NT5DC1: variants seen among roughly 807,000 people sequenced by gnomAD.
NT5DC1 encodes the protein 5'-nucleotidase domain-containing protein 1.
A neutral mutation model predicts 59.4 loss-of-function variants in NT5DC1; 42 were observed. The observed-to-expected ratio is 0.71, with a 90% CI of 0.55 to 0.92. NT5DC1 has a LOEUF of 0.92. NT5DC1 is among the 40% of genes least tolerant of loss of function. The pLI, the probability that NT5DC1 is intolerant of heterozygous loss-of-function variation, is 0.00. For missense variants in NT5DC1, 501 were observed against 537.1 expected (o/e 0.93, Z 0.66); for synonymous variants, 172 against 188.1 (o/e 0.91, Z 0.70).
intron 11 of NT5DC1, among the ~76,000 whole-genome samples, chr6:116,241,141 CAA>C (rs532456933): frequency 1.3e-3 from 84 of 64,302 alleles, no homozygotes; most frequent in African/African-American, 3.5e-3. Flanking sequence ...AAGACTGTCT[CAA>C]AAAAAAAAAA....
rs73774205 is a variant in NT5DC1 at position 116,166,419 on chromosome 6, A to G, written c.529+48474A>G. Among the ~76,000 whole-genome samples the G allele has an allele frequency of 5.7e-3, 868 of 152,328 alleles. 17 individuals are homozygous for G. Among genetic ancestry groups the G allele is most frequent in the South Asian group, 0.047 (225 of 4,828 alleles). On this transcript the variant is annotated intron_variant, in intron 6 of 11. Coordinates refer to ENST00000319550, the MANE Select transcript of NT5DC1 (RefSeq NM_152729.3). Reference sequence around the variant, plus strand: ...AAAAACATAAAGGAATGGATCAACCAATCTTCAACAAAGGTGCTAAGAAAT... The same window carrying G: ...AAAAACATAAAGGAATGGATCAACCGATCTTCAACAAAGGTGCTAAGAAAT...
chr6:116,110,933 A>G lies in NT5DC1; in HGVS notation c.341A>G (p.Asp114Gly). The change falls in exon 4 of 12, where the codon GAC (aspartate) becomes GGC (glycine). Residue 114 changes from aspartate (D) to glycine (G), a missense_variant. Physicochemically the swap from Asp to Gly is moderately conservative, Grantham distance 94. Coordinates refer to ENST00000319550, the MANE Select transcript of NT5DC1 (RefSeq NM_152729.3). ...GKKEWKHFLS[D>G]TGMACRSGKY... ...AAAGAGTGGAAGCACTTCTTGTCGG[A>G]CACTGGAATGGCTTGCCGCTCAGGT... The G allele has an allele frequency of 6.2e-7, 1 of 1,613,112 alleles. No individual in the cohort carries two copies. Among genetic ancestry groups the G allele is most frequent in the Non-Finnish European group, 8.5e-7 (1 of 1,179,076 alleles).
chr6:116,120,119 T>C lies in NT5DC1; in HGVS notation c.529+2174T>C, dbSNP rs1779064252. 1.2e-6 allele frequency: 2 copies of C among 1,614,130 alleles called. No individual in the cohort carries two copies. Among genetic ancestry groups the C allele is most frequent in the Admixed American group, 3.3e-5 (2 of 60,018 alleles). ...TCCTGAGAAAGAGGAGTGGACATAC[T>C]CAGAGGAGTATAGGCCATTTGACTC... is the stretch of plus-strand genomic sequence containing the variant. On this transcript the variant is annotated intron_variant, in intron 6 of 11. Coordinates refer to ENST00000319550, the MANE Select transcript of NT5DC1 (RefSeq NM_152729.3).
intron 6 of NT5DC1, among the ~76,000 whole-genome samples, chr6:116,135,863 A>ATGTATGTATATATATATATATATG (rs1562132679): frequency 8.0e-6 from 1 of 124,916 alleles, no homozygotes; most frequent in African/African-American, 3.2e-5. Flanking sequence ...ATATATATAT[A>ATGTATGTATATATATATATATATG]TATATATATA....
chr6:116,219,193 A>G (rs1781744852), intron 6 of NT5DC1, among the ~76,000 whole-genome samples: 1 of 152,180 alleles, frequency 6.6e-6, no homozygotes, highest in African/African-American at 2.4e-5. Context: ...CAGTGATGTC[A>G]TCAGGGACCC....
Position 116,125,333 on chromosome 6 carries a change from A to G in NT5DC1, c.529+7388A>G, listed in dbSNP as rs191911355. 454 of 1,613,184 alleles carry G rather than the reference A, an allele frequency of 2.8e-4. No individual in the cohort carries two copies. The highest frequency in any genetic ancestry group is 1.4e-4 in the Non-Finnish European group (169 of 1,179,468). On this transcript the variant is annotated intron_variant, in intron 6 of 11. Transcript: ENST00000319550. ...TTAATAGAACAAAATATACAATTCA[A>G]TTTACCTTTACTCTTTATGGTGTAG...
chr6:116,164,656 T>G (rs1780421614), intron 6 of NT5DC1, among the ~76,000 whole-genome samples: 1 of 152,222 alleles, frequency 6.6e-6, no homozygotes, highest in Admixed American at 6.5e-5. Context: ...ATGTAATTAT[T>G]TTATAGGATG....
chr6:116,234,246 C>T (rs879713877), intron 8 of NT5DC1, among the ~76,000 whole-genome samples: 3 of 151,880 alleles, frequency 2.0e-5, no homozygotes, highest in African/African-American at 2.4e-5. Context: ...AGGTGTGAGC[C>T]ACCATGCCTG....
chr6:116,178,300 T>C (rs1780798439), intron 6 of NT5DC1, among the ~76,000 whole-genome samples: 1 of 152,082 alleles, frequency 6.6e-6, no homozygotes, highest in Non-Finnish European at 1.5e-5. Context: ...TGAGATCAGG[T>C]GACATTGGGC....
chr6:116,122,109 TTA>T (rs1779149870), intron 6 of NT5DC1: 9 of 808,256 alleles, frequency 1.1e-5, no homozygotes, highest in Middle Eastern at 3.4e-4. Flanking sequence ...TGGTTTTAGA[TTA>T]TATGTTTTAT....
At position 116,120,264 on chromosome 6, in the gene NT5DC1, C is replaced by T. The variant is rs773944965; in HGVS notation, c.529+2319C>T. 1.9e-6 allele frequency: 3 copies of T among 1,614,140 alleles called. No homozygotes were observed. In the East Asian group the frequency reaches 6.7e-5, roughly 36 times the overall value. On this transcript the variant is annotated intron_variant, in intron 6 of 11. Transcript: ENST00000319550. ...TCATAGGTGTACATTACAGGGGTGCCATTCTTATACAGGCCTACCCAAACA... is the reference window on the plus strand; with the variant it reads ...TCATAGGTGTACATTACAGGGGTGCTATTCTTATACAGGCCTACCCAAACA...
chr6:116,156,741 A>G (rs555691157), intron 6 of NT5DC1, among the ~76,000 whole-genome samples: 4 of 152,346 alleles, frequency 2.6e-5, no homozygotes, highest in Non-Finnish European at 5.9e-5. Flanking sequence ...CATATCTTGA[A>G]TAAGAAGTAC....
At chr6:116,174,260 C>T (rs1418807974) in intron 6 of NT5DC1, among the ~76,000 whole-genome samples, 1 of 152,136 alleles carries the variant, frequency 6.6e-6, no homozygotes, top group East Asian at 1.9e-4. Context: ...TCACTAAGTC[C>T]AGCCCACTCT....
chr6:116,236,420 C>T (rs890641362), intron 8 of NT5DC1, among the ~76,000 whole-genome samples: 3 of 152,132 alleles, frequency 2.0e-5, no homozygotes, highest in African/African-American at 7.2e-5. Flanking sequence ...TGGGAGAGGA[C>T]AACTTGGAAT....
intron 6 of NT5DC1, chr6:116,118,200 G>A (rs1005832190): frequency 2.2e-6 from 1 of 452,664 alleles, no homozygotes. Flanking sequence ...GGGTCATTCT[G>A]TGAGTTCCCT....
intron 6 of NT5DC1, among the ~76,000 whole-genome samples, chr6:116,212,596 G>T (rs1781601980): frequency 1.3e-5 from 2 of 152,110 alleles, no homozygotes; most frequent in Non-Finnish European, 2.9e-5. Flanking sequence ...GTGCACTCTT[G>T]TGATAAAATT....
intron 6 of NT5DC1, among the ~76,000 whole-genome samples, chr6:116,159,904 T>C (rs1183154994): frequency 4.6e-5 from 7 of 152,208 alleles, no homozygotes; most frequent in Admixed American, 3.9e-4. Context: ...CTTAAGATCA[T>C]GGCCTCCAGC....
At chr6:116,121,944 C>G (rs371683017) in intron 6 of NT5DC1, 3 of 1,612,866 alleles carry the variant, frequency 1.9e-6, no homozygotes, top group Non-Finnish European at 1.7e-6. Context: ...GTACCTTGCT[C>G]TCCTCTTACT....
intron 6 of NT5DC1, among the ~76,000 whole-genome samples, chr6:116,186,650 C>G (rs1030983366): frequency 6.6e-6 from 1 of 151,972 alleles, no homozygotes; most frequent in African/African-American, 2.4e-5. Flanking sequence ...ACTTTTTCTT[C>G]TACTTGTTCG....
Sources: allele counts gnomAD v4.1 joint callset (sites outside exome capture counted in the v4.1 genomes callset), GRCh38; gene constraint gnomAD v4.1.1; transcripts MANE v1.5; gene names NCBI Gene and HGNC (gene_info 2026-07-23, HGNC 2026-07-21).